BACH2: variants seen among roughly 807,000 people sequenced by gnomAD.
BACH2 encodes transcription regulator protein BACH2.
BACH2 carries 5 observed loss-of-function variants against 61.8 expected under a neutral mutation model. That is an observed-to-expected ratio of 0.08 (90% CI 0.04 to 0.17). BACH2 has a LOEUF of 0.17. Ranked by LOEUF, BACH2 falls within the 10% of genes least tolerant of loss-of-function variation. The pLI is 1.00. For synonymous variants in BACH2, 446 were observed against 440.1 expected, an observed-to-expected ratio of 1.01 and a Z score of -0.17; for missense variants, 824 against 1,091.1, an observed-to-expected ratio of 0.76 and a Z score of 3.45.
intron 5 of BACH2, among the ~76,000 whole-genome samples, chr6:90,040,024 CTT>C (rs71556549): frequency 5.7e-5 from 8 of 139,622 alleles, no homozygotes; most frequent in East Asian, 2.0e-4. Context: ...TTCTTTGTCA[CTT>C]TTTTTTTTTT....
chr6:90,231,518 G>C (rs780881540), intron 3 of BACH2, among the ~76,000 whole-genome samples: 1 of 152,200 alleles, frequency 6.6e-6, no homozygotes, highest in African/African-American at 2.4e-5. Flanking sequence ...CCCTGGGCCA[G>C]AGCCTAATCC....
intron 4 of BACH2, among the ~76,000 whole-genome samples, chr6:90,189,143 A>G (rs1311742256): frequency 6.6e-6 from 1 of 152,242 alleles, no homozygotes; most frequent in African/African-American, 2.4e-5. Context: ...ACCAACAGAA[A>G]AAAACAAATA....
chr6:90,241,701 T>C (rs1252125872), intron 3 of BACH2, among the ~76,000 whole-genome samples: 1 of 152,156 alleles, frequency 6.6e-6, no homozygotes, highest in Non-Finnish European at 1.5e-5. Context: ...GGTGGGCATC[T>C]CTGCTCACAA....
At position 89,927,022 on chromosome 6, in the gene BACH2, T is replaced by C. The variant is rs1175108347; in HGVS notation, c.*5386A>G. 1 of 152,786 alleles carries C rather than the reference T, an allele frequency of 6.5e-6. No individual in the cohort carries two copies. 9.5% of individuals were successfully genotyped at this position (152,786 alleles called of 1,614,324 possible). ...GAAGAGAAGAGGGGCTGCAGCCCCT[T>C]GCATACACTGAGAAGACCCTGTTTT... On this transcript the variant is annotated 3_prime_UTR_variant, in exon 9 of 9. Coordinates refer to ENST00000257749, the MANE Select transcript of BACH2 (RefSeq NM_021813.4).
At position 90,014,054 on chromosome 6, in the gene BACH2, G is replaced by A. The variant is rs1777881186; in HGVS notation, c.-12-5198C>T. ...GTACCTTGGTCTCTCAAAGTGTTGG[G>A]ATTACAGGTGTAAGCCACTGTGCCC... On this transcript the variant is annotated intron_variant, in intron 5 of 8. Transcript: ENST00000257749. Among the ~76,000 whole-genome samples, 3 of 152,032 alleles carry A rather than the reference G, an allele frequency of 2.0e-5. 1 individual carries two copies. In the South Asian group the frequency reaches 6.2e-4, roughly 32 times the overall value.
chr6:90,127,116 G>C (rs1234751423), intron 4 of BACH2, among the ~76,000 whole-genome samples: 3 of 152,230 alleles, frequency 2.0e-5, no homozygotes, highest in African/African-American at 7.2e-5. Flanking sequence ...AGCTTTGACA[G>C]ACTGTCTTAT....
intron 1 of BACH2, among the ~76,000 whole-genome samples, chr6:90,288,811 A>C (rs1340007303): frequency 6.6e-6 from 1 of 152,156 alleles, no homozygotes; most frequent in Non-Finnish European, 1.5e-5. Flanking sequence ...AGAATACTCT[A>C]CCTCTTACAG....
intron 4 of BACH2, among the ~76,000 whole-genome samples, chr6:90,107,095 C>T (rs894817656): frequency 9.2e-5 from 14 of 151,982 alleles, no homozygotes; most frequent in East Asian, 3.9e-4. Flanking sequence ...CATTATAGGC[C>T]GGGTGTGGTG....
intron 4 of BACH2, among the ~76,000 whole-genome samples, chr6:90,200,344 A>C (rs576157976): frequency 6.6e-6 from 1 of 152,312 alleles, no homozygotes; most frequent in East Asian, 1.9e-4. Flanking sequence ...GTAAATGAAG[A>C]AATGGCACAG....
chr6:89,947,722 C>A (rs974392803), intron 7 of BACH2, among the ~76,000 whole-genome samples: 1 of 151,898 alleles, frequency 6.6e-6, no homozygotes. Flanking sequence ...CCCACCACGA[C>A]GCCCAGCTAA....
intron 5 of BACH2, among the ~76,000 whole-genome samples, chr6:90,014,440 G>GTGTGTATATATATA (rs1330299169): frequency 2.1e-5 from 1 of 48,036 alleles, no homozygotes; most frequent in Non-Finnish European, 3.4e-5. Context: ...GTGTGTGTGT[G>GTGTGTATATATATA]TATATATATA....
At chr6:90,068,939 T>C (rs1429506099) in intron 5 of BACH2, among the ~76,000 whole-genome samples, 1 of 152,212 alleles carries the variant, frequency 6.6e-6, no homozygotes, top group Non-Finnish European at 1.5e-5. Context: ...TTACAGCATG[T>C]ACCAGTTTAC....
intron 5 of BACH2, among the ~76,000 whole-genome samples, chr6:90,015,879 C>A (rs1778033232): frequency 6.6e-6 from 1 of 152,192 alleles, no homozygotes; most frequent in East Asian, 1.9e-4. Flanking sequence ...TTTCCGGCTA[C>A]AATTGTAGGC....
chr6:89,960,580 T>C (rs1480778541), intron 6 of BACH2, among the ~76,000 whole-genome samples: 3 of 152,370 alleles, frequency 2.0e-5, no homozygotes, highest in South Asian at 4.1e-4. Context: ...TGGTTCTATT[T>C]TTCCAGTGTC....
intron 4 of BACH2, among the ~76,000 whole-genome samples, chr6:90,171,201 A>G (rs1366031905): frequency 6.6e-6 from 1 of 152,124 alleles, no homozygotes; most frequent in East Asian, 1.9e-4. Context: ...ACTTGAGGTC[A>G]GAAGTTTGAG....
intron 4 of BACH2, among the ~76,000 whole-genome samples, chr6:90,172,348 G>A (rs1003746342): frequency 2.7e-5 from 4 of 149,884 alleles, no homozygotes; most frequent in African/African-American, 7.4e-5. Context: ...CATACAGAAG[G>A]AAAATATAAA....
intron 4 of BACH2, among the ~76,000 whole-genome samples, chr6:90,199,410 C>T (rs531836644): frequency 7.2e-5 from 11 of 152,340 alleles, no homozygotes; most frequent in African/African-American, 2.4e-4. Context: ...CATATTTACA[C>T]ACACACGCAC....
chr6:90,152,955 C>A (rs1447945050), intron 4 of BACH2, among the ~76,000 whole-genome samples: 2 of 152,146 alleles, frequency 1.3e-5, no homozygotes, highest in Non-Finnish European at 2.9e-5. Flanking sequence ...ACTTAAGCTA[C>A]AGCATGAGGG....
intron 5 of BACH2, among the ~76,000 whole-genome samples, chr6:90,070,547 T>C (rs1582307748): frequency 1.3e-5 from 2 of 152,144 alleles, no homozygotes; most frequent in South Asian, 4.2e-4. Flanking sequence ...CTGCATGGAG[T>C]GAGGACTCTG....
Sources: allele counts gnomAD v4.1 joint callset (sites outside exome capture counted in the v4.1 genomes callset), GRCh38; gene constraint gnomAD v4.1.1; transcripts MANE v1.5; gene names NCBI Gene and HGNC (gene_info 2026-07-23, HGNC 2026-07-21).